Variants in PCDH12 observed in about 807,000 individuals in gnomAD.
PCDH12 encodes the protein protocadherin-12.
In PCDH12, 45 loss-of-function variants were observed where a neutral mutation model predicts 70.9. That is an observed-to-expected ratio of 0.63 (90% CI 0.50 to 0.81). The LOEUF is 0.81. Among genes scored for constraint, PCDH12 ranks in the 40% least tolerant of loss-of-function variants. The probability of loss-of-function intolerance (pLI) is 0.00; values close to 1 mark genes in which losing one functional copy is unlikely to be tolerated. For synonymous variants in PCDH12, 567 were observed against 626.0 expected (o/e 0.91, Z 1.41); for missense variants, 1,370 against 1,491.7 (o/e 0.92, Z 1.34).
In PCDH12 at chr5:141,957,182, TG is replaced by T. The variant is rs776111123; in HGVS notation, c.669del (p.Lys224SerfsTer41). On this transcript the variant is annotated frameshift_variant, in exon 1 of 4. Coordinates refer to ENST00000231484, the MANE Select transcript of PCDH12 (RefSeq NM_016580.4). LOFTEE classifies it high-confidence loss of function. The surrounding 1 kb of genome is among the most constrained non-coding windows in gnomAD (Gnocchi z 4.3). ...VLTAYDNGNP[P>X]KSGTSLVKVN... ...ACCTTGACCAAGCTGGTACCTGACT[TG>T]GGGGGGTTCCCATTGTCATAGGCAG... The T allele has an allele frequency of 3.1e-6, 5 of 1,614,122 alleles. No homozygotes were observed. Among genetic ancestry groups the T allele is most frequent in the Non-Finnish European group, 2.5e-6 (3 of 1,180,016 alleles).
chr5:141,954,299 G>A (rs1471026479), intron 1 of PCDH12, among the ~76,000 whole-genome samples: 1 of 152,186 alleles, frequency 6.6e-6, no homozygotes. Context: ...GCAACACCTG[G>A]GTTTGGGTGC....
At position 141,956,542 on chromosome 5, in the gene PCDH12, A is replaced by G. The variant is rs762166237; in HGVS notation, c.1310T>C (p.Leu437Pro). Residue 437 changes from leucine (L) to proline (P), a missense_variant, in exon 1 of 4, where the codon CTC becomes CCC. Coordinates refer to ENST00000231484, the MANE Select transcript of PCDH12 (RefSeq NM_016580.4). Reference sequence around the variant, plus strand: ...CTGTTTCTTGGCTGATAAGGGCTGGAGTCCTTGGTCTTGGGCTAACAGAGT... The same window carrying G: ...CTGTTTCTTGGCTGATAAGGGCTGGGGTCCTTGGTCTTGGGCTAACAGAGT... ...TLTLLAQDQG[L>P]QPLSAKKQLS... is the part of the protein sequence containing the mutation. 1.9e-6 allele frequency: 3 copies of G among 1,614,188 alleles called. No homozygotes were observed. The South Asian group carries it at 3.3e-5, about 18-fold the overall frequency.
rs201456518 is a variant in PCDH12 at position 141,957,766 on chromosome 5, G to A, written c.86C>T (p.Thr29Ile). 4.3e-6 allele frequency: 7 copies of A among 1,611,182 alleles called. No individual in the cohort carries two copies. The highest frequency in any genetic ancestry group is 2.2e-5 in the East Asian group (1 of 44,888). ...TGACACTTGGTATTTCACCGTGAGA[G>A]TGGTCACCTCCTGACAATCCCCTAA... is the stretch of plus-strand genomic sequence containing the variant. ...FLLGDCQEVT[T>I]LTVKYQVSEE... Residue 29 changes from threonine (T) to isoleucine (I), a missense_variant, in exon 1 of 4, where the codon ACT (threonine) becomes ATT (isoleucine). Thr to Ile is a moderately conservative substitution (Grantham distance 89, BLOSUM62 -1). Coordinates refer to ENST00000231484, the MANE Select transcript of PCDH12 (RefSeq NM_016580.4). The surrounding 1 kb of genome is among the most constrained non-coding windows in gnomAD (Gnocchi z 4.3).
At position 141,945,353 on chromosome 5, in the gene PCDH12, C is replaced by G. The variant is rs778100725; in HGVS notation, c.*28G>C. 1.9e-6 allele frequency: 3 copies of G among 1,570,478 alleles called. No homozygotes were observed. In the South Asian group the frequency reaches 3.5e-5, roughly 19 times the overall value. ...TCCACAGATCCTCAGGCCCCTGGTT[C>G]TTGGATCCAGAGGCGTCTGAGGTAT... On this transcript the variant is annotated 3_prime_UTR_variant, in exon 4 of 4. Transcript: ENST00000231484.
In PCDH12 at chr5:141,957,416, C is replaced by T; in HGVS notation, c.436G>A (p.Glu146Lys). ...PKGEQELEIS[E>K]SASLRTRIPL... ...ATCCGGGTTCGCAGAGAGGCGCTCT[C>T]AGAGATTTCCAGCTCCTGCTCGCCT... Residue 146 changes from glutamate (E) to lysine (K), a missense_variant, in exon 1 of 4, where the codon GAG becomes AAG. Coordinates refer to ENST00000231484, the MANE Select transcript of PCDH12 (RefSeq NM_016580.4). The surrounding 1 kb of genome is among the most constrained non-coding windows in gnomAD (Gnocchi z 4.3). 6.2e-7 allele frequency: 1 copy of T among 1,613,038 alleles called. No individual in the cohort carries two copies.
At chr5:141,952,385 G>A (rs1350578363) in intron 1 of PCDH12, 1 of 152,232 alleles carries the variant, frequency 6.6e-6, no homozygotes, top group Non-Finnish European at 1.5e-5. Flanking sequence ...ATGTTACTGA[G>A]TTCATACCAC....
Position 141,943,885 on chromosome 5 carries a change from A to G in PCDH12, c.*1496T>C, listed in dbSNP as rs1752835851. 1 of 152,208 alleles carries G rather than the reference A, an allele frequency of 6.6e-6. No homozygotes were observed. 9.4% of individuals were successfully genotyped at this position (152,208 alleles called of 1,614,324 possible). ...TCATTTTCTTCATCTGTAAAATGGA[A>G]TAATGATACCACACTGTATTCCAAG... is the stretch of plus-strand genomic sequence containing the variant. On this transcript the variant is annotated 3_prime_UTR_variant, in exon 4 of 4. Transcript: ENST00000231484.
At position 141,955,783 on chromosome 5, in the gene PCDH12, A is replaced by G. The variant is rs1753169923; in HGVS notation, c.2069T>C (p.Leu690Pro). The change falls in exon 1 of 4, where the codon CTG (leucine) becomes CCG (proline). Residue 690 changes from leucine to proline, a missense_variant. Transcript: ENST00000231484. The surrounding 1 kb of genome is among the most constrained non-coding windows in gnomAD (Gnocchi z 5.5). ...ACTGGTGACAAACATGACCCTCAAC[A>G]GGGCTCGGGTCTGTAAGGGGGGGCT... ...QGSPPLQTRA[L>P]LRVMFVTSVD... 2 of 1,613,808 alleles carry G rather than the reference A, an allele frequency of 1.2e-6. No homozygotes were observed. Among genetic ancestry groups the G allele is most frequent in the African/African-American group, 1.3e-5 (1 of 75,006 alleles).
chr5:141,953,490 A>G (rs1030324896), intron 1 of PCDH12: 7 of 151,966 alleles, frequency 4.6e-5, no homozygotes, highest in African/African-American at 1.7e-4. Flanking sequence ...CACAGAAATT[A>G]GTGGGAGGGC....
At position 141,949,504 on chromosome 5, in the gene PCDH12, C is replaced by A. The variant is rs1358467489; in HGVS notation, c.3058G>T (p.Asp1020Tyr). ...TDPEQEEGPL[D>Y]PEEDLSVKQL... ...TTCACAGAGAGGTCCTCTTCAGGATCCAAAGGCCCTTCCTCCTGTTCTGGG... is the reference window on the plus strand; with the variant it reads ...TTCACAGAGAGGTCCTCTTCAGGATACAAAGGCCCTTCCTCCTGTTCTGGG... Residue 1020 changes from aspartate (D) to tyrosine (Y), a missense_variant, in exon 3 of 4, where the codon GAT becomes TAT. Coordinates refer to ENST00000231484, the MANE Select transcript of PCDH12 (RefSeq NM_016580.4). The A allele has an allele frequency of 1.9e-6, 3 of 1,614,162 alleles. No individual in the cohort carries two copies. Among genetic ancestry groups the A allele is most frequent in the Non-Finnish European group, 2.5e-6 (3 of 1,180,016 alleles).
At position 141,955,903 on chromosome 5, in the gene PCDH12, T is replaced by C; in HGVS notation, c.1949A>G (p.Asn650Ser). 6.2e-7 allele frequency: 1 copy of C among 1,614,148 alleles called. No homozygotes were observed. Among genetic ancestry groups the C allele is most frequent in the South Asian group, 1.1e-5 (1 of 91,084 alleles). The change falls in exon 1 of 4, where the codon AAC becomes AGC. Residue 650 changes from asparagine (N) to serine (S), a missense_variant. Transcript: ENST00000231484. This position sits in a 1 kb window ranked among gnomAD's most constrained non-coding sequence, Gnocchi z 5.5. ...SGNEAHLFIL[N>S]PHTGQLFVNV... Reference sequence around the variant, plus strand: ...GACGAACAGCTGCCCCGTATGAGGGTTGAGGATGAAGAGGTGGGCTTCATT... The same window carrying C: ...GACGAACAGCTGCCCCGTATGAGGGCTGAGGATGAAGAGGTGGGCTTCATT...
chr5:141,955,814 G>A lies in PCDH12; in HGVS notation c.2038C>T (p.Gln680Ter), dbSNP rs753144260. Residue 680 changes from glutamine (Q) to a stop codon, truncating the protein, a stop_gained, in exon 1 of 4, where the codon CAG (glutamine) becomes TAG (stop). Transcript: ENST00000231484. LOFTEE classifies it high-confidence loss of function. The surrounding 1 kb of genome is among the most constrained non-coding windows in gnomAD (Gnocchi z 5.5). ...CGGGTCTGTAAGGGGGGGCTTCCCT[G>A]GTCCTCTACTACTATCTCCAGCTCC... ...EWELEIVVED[Q>*]GSPPLQTRAL... The A allele has an allele frequency of 6.2e-7, 1 of 1,613,906 alleles. No individual in the cohort carries two copies. The highest frequency in any genetic ancestry group is 1.7e-5 in the Admixed American group (1 of 59,990).
In PCDH12 at chr5:141,957,124, G is replaced by A. The variant is rs538237213; in HGVS notation, c.728C>T (p.Ala243Val). 6.7e-5 allele frequency: 108 copies of A among 1,614,128 alleles called. No homozygotes were observed. In the East Asian group the frequency reaches 1.8e-3, roughly 26 times the overall value. The change falls in exon 1 of 4, where the codon GCG becomes GTG. Residue 243 changes from alanine (A) to valine (V), a missense_variant. Physicochemically the swap from Ala to Val is moderately conservative, Grantham distance 64. Transcript: ENST00000231484. This position sits in a 1 kb window ranked among gnomAD's most constrained non-coding sequence, Gnocchi z 4.3. ...NVLDSNDNSPAFAESSLALEI... is the reference protein window; with the variant it reads ...NVLDSNDNSPVFAESSLALEI... ...CAGTGCCAGTGAACTCTCAGCAAAC[G>A]CAGGGCTATTGTCATTGGAGTCCAA...
At chr5:141,954,538 T>C (rs1166473649) in intron 1 of PCDH12, among the ~76,000 whole-genome samples, 1 of 152,230 alleles carries the variant, frequency 6.6e-6, no homozygotes. Flanking sequence ...TCAACAGAGA[T>C]GTTAACTTCC....
At chr5:141,951,905 A>G in intron 1 of PCDH12, among the ~76,000 whole-genome samples, 1 of 152,354 alleles carries the variant, frequency 6.6e-6, no homozygotes, top group South Asian at 2.1e-4. Context: ...TGAAAAAGGC[A>G]TTTCCTGACC....
Position 141,955,707 on chromosome 5 carries a change from C to T in PCDH12, c.2145G>A (p.Ser715=), listed in dbSNP as rs1320669065. The part of the protein sequence containing the change: ...SARKPGALSM[S]MLTVICLAVL... The stretch of plus-strand genomic sequence containing the variant: ...CAGCCAGGCAGATCACCGTCAGCAT[C>T]GACATGCTCAAGGCCCCAGGCTTGC... Residue 715 remains serine (S), a synonymous_variant, in exon 1 of 4, where the codon TCG becomes TCA. Transcript: ENST00000231484. This position sits in a 1 kb window ranked among gnomAD's most constrained non-coding sequence, Gnocchi z 5.5. The T allele has an allele frequency of 1.9e-6, 3 of 1,614,014 alleles. No homozygotes were observed. Among genetic ancestry groups the T allele is most frequent in the African/African-American group, 1.3e-5 (1 of 74,890 alleles).
chr5:141,946,406 C>G (rs1216992096), intron 3 of PCDH12, among the ~76,000 whole-genome samples: 2 of 152,222 alleles, frequency 1.3e-5, no homozygotes, highest in Non-Finnish European at 2.9e-5. Context: ...TTAAGTCACA[C>G]ATCTGCTAGG....
rs139026287 is a variant in PCDH12, at chr5:141,957,336, G to A, written c.516C>T (p.Tyr172=). The A allele has an allele frequency of 6.9e-4, 1,106 of 1,613,688 alleles. 14 individuals carry two copies. The South Asian group carries it at 8.5e-3, about 12-fold the overall frequency. ...PDTGPNTLHT[Y]TLSPSEHFAL... ...CAAAGTGCTCACTGGGAGACAGAGT[G>A]TAGGTGTGCAGGGTGTTAGGGCCTG... is the stretch of plus-strand genomic sequence containing the variant. The change falls in exon 1 of 4, where the codon TAC becomes TAT. Residue 172 remains tyrosine, a synonymous_variant. Coordinates refer to ENST00000231484, the MANE Select transcript of PCDH12 (RefSeq NM_016580.4). This position sits in a 1 kb window ranked among gnomAD's most constrained non-coding sequence, Gnocchi z 4.3.
chr5:141,945,267 C>G lies in PCDH12; in HGVS notation c.*114G>C. 1.5e-6 allele frequency: 2 copies of G among 1,308,174 alleles called. No homozygotes were observed. Among genetic ancestry groups the G allele is most frequent in the Non-Finnish European group, 2.1e-6 (2 of 952,914 alleles). 81.0% of individuals were successfully genotyped at this position (1,308,174 alleles called of 1,614,324 possible). ...TCCTCTGTGGGGGTAGCATCAGTCA[C>G]CCTAAAGTTCTCAGGCCGCCGCTAG... is the stretch of plus-strand genomic sequence containing the variant. On this transcript the variant is annotated 3_prime_UTR_variant, in exon 4 of 4. Coordinates refer to ENST00000231484, the MANE Select transcript of PCDH12 (RefSeq NM_016580.4).
Sources: allele counts gnomAD v4.1 joint callset (sites outside exome capture counted in the v4.1 genomes callset), GRCh38; gene constraint gnomAD v4.1.1; non-coding constraint Gnocchi (gnomAD v3.1); transcripts MANE v1.5; gene names NCBI Gene and HGNC (gene_info 2026-07-23, HGNC 2026-07-21).